ANKS1B: variants seen among roughly 807,000 people sequenced by gnomAD.
The protein encoded by ANKS1B is ankyrin repeat and sterile alpha motif domain-containing protein 1B.
In ANKS1B, 36 loss-of-function variants were observed where a neutral mutation model predicts 148.3. The ratio of observed to expected loss-of-function variants is 0.24; its 90% CI spans 0.19 to 0.32. ANKS1B has a LOEUF of 0.32. Ranked by LOEUF, ANKS1B falls within the 10% of genes least tolerant of loss-of-function variation. ANKS1B has a pLI of 1.00. For missense variants in ANKS1B, 1,157 were observed against 1,542.6 expected (o/e 0.75, Z 4.19); for synonymous variants, 542 against 560.8 (o/e 0.97, Z 0.47).
intron 17 of ANKS1B, among the ~76,000 whole-genome samples, chr12:98,838,171 C>T (rs924944375): frequency 3.3e-5 from 5 of 152,104 alleles, no homozygotes; most frequent in African/African-American, 1.2e-4. Flanking sequence ...TAAACATTTC[C>T]CCTATCATTG....
intron 11 of ANKS1B, among the ~76,000 whole-genome samples, chr12:99,420,692 A>G (rs959150909): frequency 6.6e-6 from 1 of 152,220 alleles, no homozygotes; most frequent in Non-Finnish European, 1.5e-5. Flanking sequence ...ATAAGTATAT[A>G]AAGCAAGTGT....
intron 1 of ANKS1B, among the ~76,000 whole-genome samples, chr12:99,956,501 A>G (rs1162277762): frequency 2.0e-5 from 3 of 152,188 alleles, no homozygotes; most frequent in Non-Finnish European, 4.4e-5. Flanking sequence ...CATATATAAC[A>G]AATTAATCTG....
At chr12:99,983,718 A>T (rs2095742437) in intron 1 of ANKS1B, among the ~76,000 whole-genome samples, 1 of 152,186 alleles carries the variant, frequency 6.6e-6, no homozygotes, top group African/African-American at 2.4e-5. Context: ...TGCACGCAAG[A>T]GATTCTCTGC....
intron 1 of ANKS1B, among the ~76,000 whole-genome samples, chr12:99,966,751 T>A (rs1270267591): frequency 1.3e-5 from 2 of 152,236 alleles, no homozygotes; most frequent in African/African-American, 4.8e-5. Context: ...ATTTTAATGC[T>A]TTTAAAAAGG....
intron 1 of ANKS1B, among the ~76,000 whole-genome samples, chr12:99,828,656 G>T (rs2083505598): frequency 6.6e-6 from 1 of 152,086 alleles, no homozygotes; most frequent in South Asian, 2.1e-4. Flanking sequence ...GATAATGAAT[G>T]TAAGAACAAT....
At position 98,745,553 on chromosome 12, in the gene ANKS1B, T is replaced by C; in HGVS notation, c.*186A>G. ...CTCAGGGGTTGCGACTGGAAAGTCT[T>C]GCGTTTTCCATCACTGGTGCAGAAA... On this transcript the variant is annotated 3_prime_UTR_variant, in exon 27 of 27. Coordinates refer to ENST00000683438, the MANE Select transcript of ANKS1B (RefSeq NM_001352186.2). The C allele has an allele frequency of 7.3e-7, 1 of 1,373,388 alleles. No homozygotes were observed. The highest frequency in any genetic ancestry group is 9.4e-7 in the Non-Finnish European group (1 of 1,062,050). 85.1% of individuals were successfully genotyped at this position (1,373,388 alleles called of 1,614,324 possible). A position where few individuals can be genotyped will look rare whatever the true frequency, so the allele number is the denominator to read the frequency against.
At chr12:98,863,858 G>C (rs758194042) in intron 17 of ANKS1B, among the ~76,000 whole-genome samples, 1 of 152,182 alleles carries the variant, frequency 6.6e-6, no homozygotes, top group African/African-American at 2.4e-5. Flanking sequence ...AAAGTTGACC[G>C]TGATGTCGAT....
rs896086075 is a variant in ANKS1B at position 99,010,907 on chromosome 12, T to G, written c.2778+42250A>C. On this transcript the variant is annotated intron_variant, in intron 17 of 26. Transcript: ENST00000683438. ...ACTACAGGTGTGAGCTTTTGTTTTT[T>G]TTTTTTTTTTTTTTTAATAGAAACA... Among the ~76,000 whole-genome samples, 97 of 149,572 alleles carry G rather than the reference T, an allele frequency of 6.5e-4. 1 individual carries two copies. Among genetic ancestry groups the G allele is most frequent in the African/African-American group, 8.3e-4 (34 of 40,792 alleles).
At chr12:99,583,575 A>C (rs1254942410) in intron 9 of ANKS1B, among the ~76,000 whole-genome samples, 1 of 152,212 alleles carries the variant, frequency 6.6e-6, no homozygotes, top group Non-Finnish European at 1.5e-5. Context: ...ATGACTTTTT[A>C]GATCAAATGG....
intron 14 of ANKS1B, among the ~76,000 whole-genome samples, chr12:99,209,022 A>AC (rs1028577278): frequency 1.5e-4 from 23 of 152,210 alleles, no homozygotes; most frequent in Admixed American, 2.6e-4. Context: ...TCTCTTTATA[A>AC]CATGATACAA....
chr12:99,573,955 A>G (rs1327739266), intron 9 of ANKS1B, among the ~76,000 whole-genome samples: 1 of 151,966 alleles, frequency 6.6e-6, no homozygotes, highest in Non-Finnish European at 1.5e-5. Context: ...TGCTACTTGT[A>G]AGAGATATTC....
At chr12:99,516,598 G>A (rs1416891673) in intron 9 of ANKS1B, among the ~76,000 whole-genome samples, 2 of 152,048 alleles carry the variant, frequency 1.3e-5, no homozygotes, top group Non-Finnish European at 2.9e-5. Flanking sequence ...AGGGAGGCAG[G>A]GGGAGGGAAA....
intron 17 of ANKS1B, among the ~76,000 whole-genome samples, chr12:98,898,848 G>A (rs1240765494): frequency 2.6e-5 from 4 of 152,112 alleles, no homozygotes; most frequent in Non-Finnish European, 2.9e-5. Flanking sequence ...CTGTAACCCA[G>A]TGAAAAGCAA....
chr12:98,785,951 C>G (rs2098790604), intron 22 of ANKS1B, among the ~76,000 whole-genome samples: 1 of 152,122 alleles, frequency 6.6e-6, no homozygotes, highest in Admixed American at 6.5e-5. Context: ...GTTGCTTTTC[C>G]CTATGCCATG....
At chr12:98,806,947 G>A (rs971596193) in intron 20 of ANKS1B, among the ~76,000 whole-genome samples, 5 of 152,144 alleles carry the variant, frequency 3.3e-5, no homozygotes, top group Non-Finnish European at 5.9e-5. Context: ...GAGTACATAT[G>A]TGCCTGATGC....
chr12:99,782,916 G>A (rs576051299), intron 4 of ANKS1B, among the ~76,000 whole-genome samples: 2 of 152,178 alleles, frequency 1.3e-5, no homozygotes, highest in South Asian at 4.1e-4. Flanking sequence ...TAGGCTGGGC[G>A]CAGTGGCTCA....
chr12:99,397,996 CAG>C (rs2094299554), intron 12 of ANKS1B, among the ~76,000 whole-genome samples: 1 of 151,982 alleles, frequency 6.6e-6, no homozygotes, highest in Non-Finnish European at 1.5e-5. Flanking sequence ...CAAAGAAAGC[CAG>C]TATGGCCAGG....
intron 12 of ANKS1B, among the ~76,000 whole-genome samples, chr12:99,293,439 C>T (rs780607033): frequency 3.9e-5 from 6 of 152,000 alleles, no homozygotes; most frequent in Non-Finnish European, 1.5e-5. Context: ...GCATGGCACA[C>T]GTATACCTAT....
At chr12:99,084,422 GT>G (rs2050901197) in intron 16 of ANKS1B, among the ~76,000 whole-genome samples, 1 of 152,078 alleles carries the variant, frequency 6.6e-6, no homozygotes. Flanking sequence ...ATTTTTCTAG[GT>G]AAATCTCAAG....
Sources: gnomAD v4.1 joint callset for allele counts (sites outside exome capture counted in the v4.1 genomes callset) on GRCh38, gnomAD v4.1.1 for gene constraint, MANE v1.5 for transcripts, NCBI Gene and HGNC (gene_info 2026-07-23, HGNC 2026-07-21) for gene names.